PTPA: variants seen among roughly 807,000 people sequenced by gnomAD.
PTPA encodes the protein serine/threonine-protein phosphatase 2A activator.
Under a neutral mutation model 43.6 loss-of-function variants are expected in PTPA, and 13 were observed. The observed-to-expected ratio is 0.30, with a 90% CI of 0.19 to 0.47. The LOEUF (loss-of-function observed/expected upper bound fraction) is 0.47. PTPA is among the 20% of genes least tolerant of loss of function. The pLI is 0.99. For synonymous variants in PTPA, 172 were observed against 158.2 expected, an observed-to-expected ratio of 1.09 and a Z score of -0.66; for missense variants, 329 against 411.9, an observed-to-expected ratio of 0.80 and a Z score of 1.74.
intron 3 of PTPA, among the ~76,000 whole-genome samples, chr9:129,123,522 G>A (rs1342619627): frequency 6.6e-6 from 1 of 151,958 alleles, no homozygotes; most frequent in Non-Finnish European, 1.5e-5. Context: ...CCACCACGGG[G>A]CCAGAGCAGA....
intron 8 of PTPA, 105 bp from the exon 9 acceptor site, chr9:129,142,340 G>GTA: frequency 1.3e-6 from 1 of 778,160 alleles, no homozygotes; most frequent in Non-Finnish European, 1.9e-6. Context: ...GTGTGCGTTT[G>GTA]TGTGTGTGTG....
At chr9:129,120,182 C>T (rs1019325781) in intron 1 of PTPA, among the ~76,000 whole-genome samples, 3 of 152,038 alleles carry the variant, frequency 2.0e-5, no homozygotes, top group South Asian at 4.1e-4. Context: ...CGCTTGAACC[C>T]GGGAGGCAGA....
intron 9 of PTPA, among the ~76,000 whole-genome samples, chr9:129,145,279 C>G (rs561876799): frequency 7.1e-6 from 1 of 139,974 alleles, no homozygotes; most frequent in African/African-American, 2.7e-5. Flanking sequence ...TGCAGTGAGC[C>G]GAGATCATGC....
chr9:129,112,940 A>AC (rs59067926), intron 1 of PTPA, among the ~76,000 whole-genome samples: 121,531 of 143,138 alleles, frequency 0.85, 50,387 homozygotes, highest in East Asian at 0.99. Context: ...AAACTCCGTC[A>AC]CCCCCCAAAA....
At chr9:129,124,283 G>A (rs2131566448) in intron 3 of PTPA, among the ~76,000 whole-genome samples, 2 of 152,240 alleles carry the variant, frequency 1.3e-5, no homozygotes, top group African/African-American at 4.8e-5. Context: ...GGCTCAAGCA[G>A]TCCTCCTGCC....
chr9:129,145,289 C>T (rs1398707502), intron 9 of PTPA, among the ~76,000 whole-genome samples: 1 of 151,800 alleles, frequency 6.6e-6, no homozygotes, highest in Non-Finnish European at 1.5e-5. Flanking sequence ...CGAGATCATG[C>T]CACTGCACTC....
chr9:129,112,511 A>G (rs1338978793), intron 1 of PTPA, among the ~76,000 whole-genome samples: 2 of 152,184 alleles, frequency 1.3e-5, no homozygotes, highest in Non-Finnish European at 2.9e-5. Context: ...CTCAGGAGGG[A>G]GAAATGTTGA....
intron 8 of PTPA, among the ~76,000 whole-genome samples, chr9:129,141,389 G>C (rs1166642232): frequency 3.3e-5 from 5 of 152,146 alleles, no homozygotes; most frequent in Non-Finnish European, 7.3e-5. Flanking sequence ...CCAAGTCTCT[G>C]TTTCTTTGCC....
intron 3 of PTPA, 26 bp from the exon 4 acceptor site, chr9:129,128,959 T>C: frequency 6.2e-7 from 1 of 1,612,562 alleles, no homozygotes; most frequent in African/African-American, 1.3e-5. Context: ...CTCTGTAGCT[T>C]GGACCCCTCT....
At chr9:129,133,852 C>A (rs1289493343) in intron 5 of PTPA, among the ~76,000 whole-genome samples, 1 of 152,226 alleles carries the variant, frequency 6.6e-6, no homozygotes, top group African/African-American at 2.4e-5. Flanking sequence ...TCAAACAGAT[C>A]AAACTTTTTC....
At chr9:129,110,987 C>A (rs752656321), upstream of PTPA, 1 of 1,371,516 alleles carries the variant, frequency 7.3e-7, no homozygotes, top group South Asian at 1.1e-5. This position sits in a 1 kb window ranked among gnomAD's most constrained non-coding sequence, Gnocchi z 5.3. Context: ...AGGTCACCGT[C>A]CAGCTGTCTC....
chr9:129,146,001 G>A (rs368209510), intron 9 of PTPA, among the ~76,000 whole-genome samples: 1 of 151,450 alleles, frequency 6.6e-6, no homozygotes, highest in East Asian at 2.0e-4. Flanking sequence ...CCTGTGGGCA[G>A]AATGGGAAGA....
At chr9:129,122,232 A>T (rs1849293407) in intron 2 of PTPA, among the ~76,000 whole-genome samples, 1 of 152,042 alleles carries the variant, frequency 6.6e-6, no homozygotes, top group Non-Finnish European at 1.5e-5. Flanking sequence ...CCACCTGAGT[A>T]GCTGGGACCA....
intron 1 of PTPA, 158 bp downstream of exon 1, chr9:129,111,789 G>A: frequency 2.4e-6 from 3 of 1,231,762 alleles, no homozygotes; most frequent in Non-Finnish European, 3.0e-6. Flanking sequence ...CCTTAGGGGA[G>A]AGGTGGGTGG....
intron 1 of PTPA, among the ~76,000 whole-genome samples, chr9:129,112,174 C>T (rs537171381): frequency 4.1e-4 from 63 of 152,278 alleles, no homozygotes; most frequent in African/African-American, 1.5e-3. Flanking sequence ...CCCGTGGTGT[C>T]TAAATCCCTA....
At chr9:129,144,734 CTCAA>C (rs1480720906) in intron 9 of PTPA, among the ~76,000 whole-genome samples, 4 of 42,434 alleles carry the variant, frequency 9.4e-5, no homozygotes, top group Non-Finnish European at 1.5e-4. Flanking sequence ...GCGAGACTCT[CTCAA>C]AAAAAAAAAA....
rs992823266 is a variant in PTPA, at chr9:129,111,446, C to G, written c.-155C>G. 8.8e-6 allele frequency: 11 copies of G among 1,254,928 alleles called. No homozygotes were observed. In the African/African-American group the frequency reaches 1.7e-4, roughly 19 times the overall value. 77.7% of individuals were successfully genotyped at this position (1,254,928 alleles called of 1,614,324 possible). On this transcript the variant is annotated 5_prime_UTR_variant, in exon 1 of 10. Coordinates refer to ENST00000393370, the MANE Select transcript of PTPA (RefSeq NM_178000.3). The stretch of plus-strand genomic sequence containing the variant: ...ATGGCGGCCGTCTTCGCTGTGGTGA[C>G]TTTAACTCTCGGTTTTCGGTTATAG...
At chr9:129,114,174 A>G (rs1848721932) in intron 1 of PTPA, among the ~76,000 whole-genome samples, 1 of 151,734 alleles carries the variant, frequency 6.6e-6, no homozygotes, top group South Asian at 2.1e-4. Context: ...GGCGCCCACC[A>G]CTGTGCCGGG....
At chr9:129,117,956 C>T (rs62583879) in intron 1 of PTPA, among the ~76,000 whole-genome samples, 2,627 of 152,184 alleles carry the variant, frequency 0.017, 40 homozygotes, top group Non-Finnish European at 0.026. Context: ...ACCTCAGCCT[C>T]CCAAAGTTCT....
Sources: gnomAD v4.1 joint callset for allele counts (sites outside exome capture counted in the v4.1 genomes callset) on GRCh38, gnomAD v4.1.1 for gene constraint, Gnocchi (gnomAD v3.1) non-coding constraint, MANE v1.5 for transcripts, NCBI Gene and HGNC (gene_info 2026-07-23, HGNC 2026-07-21) for gene names.